COL23A1: variants seen among roughly 807,000 people sequenced by gnomAD.
The protein encoded by COL23A1 is collagen type XXIII alpha 1 chain.
Under a neutral mutation model 99.3 loss-of-function variants are expected in COL23A1, and 97 were observed. The observed-to-expected ratio is 0.98, with a 90% CI of 0.83 to 1.16. The LOEUF (loss-of-function observed/expected upper bound fraction) is 1.16, where lower values mean the gene tolerates loss of function less well. Ranked by LOEUF, COL23A1 falls within the 50% of genes most tolerant of loss-of-function variation. COL23A1 has a pLI of 0.00. For missense variants in COL23A1, 762 were observed against 757.4 expected (o/e 1.01, Z -0.07); for synonymous variants, 320 against 308.2 (o/e 1.04, Z -0.40).
intron 2 of COL23A1, among the ~76,000 whole-genome samples, chr5:178,534,863 A>G (rs1026146148): frequency 2.0e-5 from 3 of 152,130 alleles, no homozygotes. Context: ...CACTCTCATT[A>G]AATCCCCATA....
intron 2 of COL23A1, among the ~76,000 whole-genome samples, chr5:178,367,747 T>C (rs1762569425): frequency 6.6e-6 from 1 of 152,240 alleles, no homozygotes; most frequent in African/African-American, 2.4e-5. Flanking sequence ...TTCCCACTTC[T>C]GGGAACTTCT....
intron 2 of COL23A1, among the ~76,000 whole-genome samples, chr5:178,542,190 A>C (rs1331232891): frequency 6.6e-6 from 1 of 152,058 alleles, no homozygotes; most frequent in Admixed American, 6.6e-5. Flanking sequence ...CAACCAACTA[A>C]TTACAGGCAC....
intron 2 of COL23A1, among the ~76,000 whole-genome samples, chr5:178,315,198 T>C (rs144171799): frequency 1.4e-3 from 211 of 152,256 alleles, no homozygotes; most frequent in African/African-American, 4.9e-3. Flanking sequence ...TCCGGACCCA[T>C]GACGCATCCT....
chr5:178,515,455 G>A (rs568556107), intron 2 of COL23A1, among the ~76,000 whole-genome samples: 2 of 152,174 alleles, frequency 1.3e-5, no homozygotes, highest in Non-Finnish European at 2.9e-5. Flanking sequence ...GTAGGGACAT[G>A]TCAGGTCCAC....
Position 178,248,269 on chromosome 5 carries a change from T to C in COL23A1, c.1150-15A>G. 5.0e-6 allele frequency: 8 copies of C among 1,607,808 alleles called. No homozygotes were observed. Among genetic ancestry groups the C allele is most frequent in the South Asian group, 1.1e-5 (1 of 90,800 alleles). On this transcript the variant is annotated splice_polypyrimidine_tract_variant and intron_variant, in intron 19 of 28. Transcript: ENST00000390654. ...CCGTCAGCGCCCTGCAGGACGGCAATGGCCTGTGAGTCCTTTGTGTCCAGC... is the reference window on the plus strand; with the variant it reads ...CCGTCAGCGCCCTGCAGGACGGCAACGGCCTGTGAGTCCTTTGTGTCCAGC...
rs1243336514 is a variant in COL23A1, at chr5:178,310,794, AAACC to A, written c.362-3879_362-3876del. On this transcript the variant is annotated intron_variant, in intron 2 of 28. Transcript: ENST00000390654. This position sits in a 1 kb window ranked among gnomAD's most constrained non-coding sequence, Gnocchi z 4.3. ...AGCTAAGACCTGGCTCCAACAAGCA[AAACC>A]AGGCCTTTGGCCAGGTGGTTGGCCT... Among the ~76,000 whole-genome samples the A allele has an allele frequency of 6.6e-6, 1 of 152,090 alleles. No individual in the cohort carries two copies. Among genetic ancestry groups the A allele is most frequent in the Non-Finnish European group, 1.5e-5 (1 of 68,018 alleles).
intron 2 of COL23A1, among the ~76,000 whole-genome samples, chr5:178,319,135 T>C (rs1162213610): frequency 1.3e-5 from 2 of 152,152 alleles, no homozygotes; most frequent in Admixed American, 6.5e-5. Flanking sequence ...TCTTGCTACA[T>C]GGGCTGGTGG....
intron 1 of COL23A1, among the ~76,000 whole-genome samples, chr5:178,569,281 T>C (rs1762975808): frequency 1.3e-5 from 2 of 152,200 alleles, no homozygotes; most frequent in South Asian, 2.1e-4. Context: ...GAGCTCTTTA[T>C]AGAATCTGTA....
At chr5:178,523,384 T>C (rs1271821113) in intron 2 of COL23A1, 2 of 125,420 alleles carry the variant, frequency 1.6e-5, no homozygotes, top group Admixed American at 1.9e-4. Flanking sequence ...CTGAGACTGC[T>C]CCACTGCACT....
intron 2 of COL23A1, among the ~76,000 whole-genome samples, chr5:178,360,615 T>C (rs1341974487): frequency 6.6e-6 from 1 of 152,254 alleles, no homozygotes; most frequent in African/African-American, 2.4e-5. Flanking sequence ...TGAGCCTCGG[T>C]GTCCCCACCT....
At chr5:178,523,303 C>T (rs1270188756) in intron 2 of COL23A1, among the ~76,000 whole-genome samples, 27 of 142,616 alleles carry the variant, frequency 1.9e-4, no homozygotes, top group African/African-American at 6.7e-4. Flanking sequence ...GGTGCGCGCC[C>T]GTAATCCTAG....
chr5:178,314,642 A>C (rs1758882452), intron 2 of COL23A1, among the ~76,000 whole-genome samples: 1 of 152,192 alleles, frequency 6.6e-6, no homozygotes, highest in Non-Finnish European at 1.5e-5. Flanking sequence ...ACAGTGTTTA[A>C]TAAAAGCAAG....
chr5:178,270,499 G>A, intron 5 of COL23A1, 136 bp from the exon 6 acceptor site: 1 of 1,020,496 alleles, frequency 9.8e-7, no homozygotes. Flanking sequence ...AGTCCATGTG[G>A]CCTGGGGCTG....
rs544149172 is a variant in COL23A1 at position 178,385,929 on chromosome 5, G to A, written c.362-79010C>T. Among the ~76,000 whole-genome samples, 12 of 152,144 alleles carry A rather than the reference G, an allele frequency of 7.9e-5. 1 individual carries two copies. In the South Asian group the frequency reaches 2.1e-3, roughly 26 times the overall value. On this transcript the variant is annotated intron_variant, in intron 2 of 28. Transcript: ENST00000390654. ...TATTTCACTGATTTTCCCTACAGTCGTAATACAGCTGACATTTCTCGGGAA... is the reference window on the plus strand; with the variant it reads ...TATTTCACTGATTTTCCCTACAGTCATAATACAGCTGACATTTCTCGGGAA...
chr5:178,337,009 C>T (rs1305672834), intron 2 of COL23A1, among the ~76,000 whole-genome samples: 1 of 152,208 alleles, frequency 6.6e-6, no homozygotes, highest in African/African-American at 2.4e-5. Context: ...CAGCGAGCTG[C>T]TCAGAGCGGC....
At chr5:178,336,098 G>C (rs1760301783) in intron 2 of COL23A1, among the ~76,000 whole-genome samples, 1 of 152,216 alleles carries the variant, frequency 6.6e-6, no homozygotes, top group Admixed American at 6.5e-5. Context: ...TTGGGGCTCT[G>C]AGGAGGGTGA....
intron 2 of COL23A1, among the ~76,000 whole-genome samples, chr5:178,477,157 G>A (rs920673985): frequency 3.4e-4 from 52 of 152,256 alleles, no homozygotes; most frequent in Middle Eastern, 3.4e-3. Context: ...GAGAGATAGC[G>A]GCTGTTGACA....
intron 2 of COL23A1, among the ~76,000 whole-genome samples, chr5:178,362,337 A>C (rs1762216705): frequency 6.6e-6 from 1 of 152,020 alleles, no homozygotes; most frequent in Non-Finnish European, 1.5e-5. Flanking sequence ...GGCATGTCCC[A>C]CTGAACCATG....
At chr5:178,576,234 C>T (rs933325137) in intron 1 of COL23A1, among the ~76,000 whole-genome samples, 1 of 152,126 alleles carries the variant, frequency 6.6e-6, no homozygotes, top group African/African-American at 2.4e-5. Flanking sequence ...ACTGGCGTTG[C>T]CATTCATTAT....
Sources: gnomAD v4.1 joint callset for allele counts (sites outside exome capture counted in the v4.1 genomes callset) on GRCh38, gnomAD v4.1.1 for gene constraint, Gnocchi (gnomAD v3.1) non-coding constraint, MANE v1.5 for transcripts, NCBI Gene and HGNC (gene_info 2026-07-23, HGNC 2026-07-21) for gene names.